Variants in PTPN3 observed in about 807,000 individuals in gnomAD.
The protein encoded by PTPN3 is protein tyrosine phosphatase non-receptor type 3, also known as tyrosine-protein phosphatase non-receptor type 3.
PTPN3 carries 96 observed loss-of-function variants against 132.7 expected under a neutral mutation model. The ratio of observed to expected loss-of-function variants is 0.72; its 90% CI spans 0.61 to 0.86. The LOEUF (loss-of-function observed/expected upper bound fraction) is 0.86. Ranked by LOEUF, PTPN3 falls within the 40% of genes least tolerant of loss-of-function variation. The probability of loss-of-function intolerance (pLI) is 0.00; values close to 1 mark genes in which losing one functional copy is unlikely to be tolerated. For missense variants in PTPN3, 1,125 were observed against 1,159.6 expected (o/e 0.97, Z 0.43); for synonymous variants, 398 against 429.0 (o/e 0.93, Z 0.89).
At chr9:109,520,801 C>T in the PTPN3 span, among the ~76,000 whole-genome samples, 1 of 152,202 alleles carries the variant, frequency 6.6e-6, no homozygotes, top group Admixed American at 6.5e-5. Flanking sequence ...AAAGCCAGTC[C>T]TCTTCCATCC....
At chr9:109,496,937 T>C (rs1214581860) in intron 1 of PTPN3, among the ~76,000 whole-genome samples, 1 of 152,208 alleles carries the variant, frequency 6.6e-6, no homozygotes, top group African/African-American at 2.4e-5. Flanking sequence ...GGGAGCTTTT[T>C]AAAACAGAAA....
At chr9:109,425,273 T>C (rs985007874) in intron 12 of PTPN3, among the ~76,000 whole-genome samples, 1 of 152,212 alleles carries the variant, frequency 6.6e-6, no homozygotes. Context: ...CTAATGATTA[T>C]CAATGTATTA....
chr9:109,408,796 A>AATATATATATAT (rs1219154297), intron 16 of PTPN3, among the ~76,000 whole-genome samples: 3 of 108,358 alleles, frequency 2.8e-5, no homozygotes, highest in East Asian at 2.7e-4. Flanking sequence ...AAAAAAAAAA[A>AATATATATATAT]ATATATATAT....
the PTPN3 span, chr9:109,534,123 C>T: frequency 0.21 from 165,845 of 790,418 alleles, 19,713 homozygotes; most frequent in Admixed American, 0.26. Context: ...CATATCCGTT[C>T]CTTAAGTTGA....
At chr9:109,395,380 C>T (rs1840492888) in intron 19 of PTPN3, among the ~76,000 whole-genome samples, 1 of 152,068 alleles carries the variant, frequency 6.6e-6, no homozygotes, top group African/African-American at 2.4e-5. Context: ...TTGTTTTGGC[C>T]TTTGGAAAGT....
intron 1 of PTPN3, among the ~76,000 whole-genome samples, chr9:109,482,374 A>G (rs1023138824): frequency 6.6e-6 from 1 of 152,224 alleles, no homozygotes. Context: ...TTAGAATATT[A>G]AGAGGCTTGT....
chr9:109,534,085 T>C, the PTPN3 span: 3 of 776,220 alleles, frequency 3.9e-6, no homozygotes, highest in Admixed American at 5.1e-5. Flanking sequence ...AAATGTATCT[T>C]CCTTGATGTC....
chr9:109,417,732 C>A (rs1450753999), intron 14 of PTPN3: 35 of 985,214 alleles, frequency 3.6e-5, no homozygotes, highest in Non-Finnish European at 4.2e-5. Flanking sequence ...ATCCCACTTG[C>A]AGAGCACAGT....
intron 1 of PTPN3, among the ~76,000 whole-genome samples, chr9:109,496,215 T>C (rs2132132858): frequency 6.6e-6 from 1 of 152,250 alleles, no homozygotes; most frequent in Non-Finnish European, 1.5e-5. Context: ...ATTAACTGCA[T>C]GTGGGATTTA....
intron 22 of PTPN3, 92 bp from the exon 23 acceptor site, chr9:109,383,643 C>T: frequency 6.7e-7 from 1 of 1,502,428 alleles, no homozygotes. Context: ...TAGGCATCCT[C>T]TCATGCACAC....
intron 1 of PTPN3, among the ~76,000 whole-genome samples, chr9:109,471,199 G>GT (rs1846364073): frequency 6.6e-6 from 1 of 152,202 alleles, no homozygotes; most frequent in South Asian, 2.1e-4. Context: ...TGGGGCTACA[G>GT]GCCTGTGCCA....
chr9:109,511,200 C>A, the PTPN3 span, among the ~76,000 whole-genome samples: 19,961 of 152,130 alleles, frequency 0.13, 1,520 homozygotes, highest in Middle Eastern at 0.25. Flanking sequence ...TGCTTGCAAT[C>A]CTGCTGAGTC....
At chr9:109,533,807 T>G in the PTPN3 span, 11 of 973,228 alleles carry the variant, frequency 1.1e-5, no homozygotes, top group Non-Finnish European at 1.7e-5. Flanking sequence ...GGGAGCACGC[T>G]CCCATCCCTC....
At chr9:109,491,361 A>G (rs189573429) in intron 1 of PTPN3, among the ~76,000 whole-genome samples, 1 of 152,318 alleles carries the variant, frequency 6.6e-6, no homozygotes, top group East Asian at 1.9e-4. Context: ...ATAATCCTCA[A>G]ATGGTTCAGG....
Position 109,383,753 on chromosome 9 carries a change from C to T in PTPN3, c.2254-202G>A, listed in dbSNP as rs534144814. On this transcript the variant is annotated intron_variant, in intron 22 of 25. Coordinates refer to ENST00000374541, the MANE Select transcript of PTPN3 (RefSeq NM_002829.4). The stretch of plus-strand genomic sequence containing the variant: ...TGCCAGGGACTAGGCCACAGGTCTC[C>T]GCTCAGCCCCAGGCTGCAGCCTGGA... Among the ~76,000 whole-genome samples, 6 of 152,280 alleles carry T rather than the reference C, an allele frequency of 3.9e-5. No individual in the cohort carries two copies. In the South Asian group the frequency reaches 8.3e-4, roughly 21 times the overall value.
intron 1 of PTPN3, among the ~76,000 whole-genome samples, chr9:109,482,042 G>A (rs1846984492): frequency 2.0e-5 from 3 of 152,238 alleles, no homozygotes; most frequent in South Asian, 4.1e-4. Flanking sequence ...GCCCATAGGC[G>A]CTTAAGAAAT....
At chr9:109,380,383 G>A (rs1223727976) in intron 25 of PTPN3, among the ~76,000 whole-genome samples, 2 of 152,174 alleles carry the variant, frequency 1.3e-5, no homozygotes, top group African/African-American at 2.4e-5. Flanking sequence ...AGCCTCCCAA[G>A]TAGCTGGGAC....
intron 11 of PTPN3, among the ~76,000 whole-genome samples, chr9:109,428,076 A>T (rs993252306): frequency 6.6e-6 from 1 of 152,216 alleles, no homozygotes; most frequent in East Asian, 1.9e-4. Context: ...GTTTCAACAC[A>T]TCATGGGAGG....
chr9:109,436,031 C>G (rs958627143), intron 9 of PTPN3, among the ~76,000 whole-genome samples: 1 of 152,240 alleles, frequency 6.6e-6, no homozygotes, highest in African/African-American at 2.4e-5. Flanking sequence ...ATCTATAAAA[C>G]GGGAATAACT....
Sources: gnomAD v4.1 joint callset for allele counts (sites outside exome capture counted in the v4.1 genomes callset) on GRCh38, gnomAD v4.1.1 for gene constraint, MANE v1.5 for transcripts, NCBI Gene and HGNC (gene_info 2026-07-23, HGNC 2026-07-21) for gene names.